Variants in RAP1GAP observed in about 807,000 individuals in gnomAD.
The protein encoded by RAP1GAP is rap1 GTPase-activating protein 1.
In RAP1GAP, 35 loss-of-function variants were observed where a neutral mutation model predicts 87.2. The ratio of observed to expected loss-of-function variants is 0.40; its 90% CI spans 0.31 to 0.53. The LOEUF (loss-of-function observed/expected upper bound fraction) is 0.53, where lower values mean the gene tolerates loss of function less well. Among genes scored for constraint, RAP1GAP ranks in the 20% least tolerant of loss-of-function variants. The pLI is 0.48. For missense variants in RAP1GAP, 734 were observed against 898.9 expected (o/e 0.82, Z 2.35); for synonymous variants, 375 against 363.9 (o/e 1.03, Z -0.35).
chr1:21,667,628 T>G (rs1055115261), intron 1 of RAP1GAP: 3 of 152,608 alleles, frequency 2.0e-5, no homozygotes, highest in African/African-American at 7.2e-5. Flanking sequence ...CAGGTCCACA[T>G]GGACCACTCC....
Position 21,601,811 on chromosome 1 carries a change from G to T in RAP1GAP, c.1539-14C>A. The T allele has an allele frequency of 6.5e-7, 1 of 1,545,594 alleles. No individual in the cohort carries two copies. The highest frequency in any genetic ancestry group is 8.8e-7 in the Non-Finnish European group (1 of 1,135,084). On this transcript the variant is annotated splice_polypyrimidine_tract_variant and intron_variant, in intron 19 of 24. Coordinates refer to ENST00000374765, the MANE Select transcript of RAP1GAP (RefSeq NM_002885.4). ...GGAGGGCTCTCCCTGCGGGGCACAC[G>T]GGGGCAGCGGGGGGATTCAGCACCA...
chr1:21,618,771 C>A (rs937250255), intron 5 of RAP1GAP, among the ~76,000 whole-genome samples: 1 of 152,044 alleles, frequency 6.6e-6, no homozygotes, highest in Non-Finnish European at 1.5e-5. Flanking sequence ...CAGTGAAGAC[C>A]GAGAGGAGGA....
chr1:21,617,937 G>A lies in RAP1GAP; in HGVS notation c.102C>T (p.His34=), dbSNP rs147496223. 3.2e-5 allele frequency: 52 copies of A among 1,613,984 alleles called. No individual in the cohort carries two copies. The highest frequency in any genetic ancestry group is 9.9e-5 in the South Asian group (9 of 91,088). The change falls in exon 6 of 25, where the codon CAC becomes CAT. Residue 34 remains histidine, a synonymous_variant. Transcript: ENST00000374765. ...EEDYIPYPSV[H]EVLGREGPFP... ...GCGCGGGGTTCTAGCTGAGTACCTC[G>A]TGCACGCTCGGGTATGGAATGTAGT... is the stretch of plus-strand genomic sequence containing the variant.
chr1:21,604,659 A>G (rs1306667602), intron 18 of RAP1GAP, among the ~76,000 whole-genome samples: 1 of 152,042 alleles, frequency 6.6e-6, no homozygotes, highest in Admixed American at 6.5e-5. Flanking sequence ...TGCTCCTCGC[A>G]TGACAGTGTG....
intron 18 of RAP1GAP, among the ~76,000 whole-genome samples, chr1:21,605,385 T>G (rs2073696414): frequency 6.6e-6 from 1 of 152,204 alleles, no homozygotes; most frequent in South Asian, 2.1e-4. Context: ...GCTCACTTCC[T>G]GACACACAGT....
At position 21,598,514 on chromosome 1, in the gene RAP1GAP, G is replaced by A. The variant is rs1453145632; in HGVS notation, c.1777-12C>T. The A allele has an allele frequency of 6.2e-7, 1 of 1,601,020 alleles. No individual in the cohort carries two copies. The highest frequency in any genetic ancestry group is 8.6e-7 in the Non-Finnish European group (1 of 1,168,430). On this transcript the variant is annotated splice_polypyrimidine_tract_variant and intron_variant, in intron 21 of 24. Transcript: ENST00000374765. ...GATGACACGCTCTCCTGGGGAGGGGGTGGAAAGAGGGAGGGAGGTTAGCCT... is the reference window on the plus strand; with the variant it reads ...GATGACACGCTCTCCTGGGGAGGGGATGGAAAGAGGGAGGGAGGTTAGCCT...
At chr1:21,655,787 C>T (rs949597932) in intron 1 of RAP1GAP, among the ~76,000 whole-genome samples, 1 of 152,220 alleles carries the variant, frequency 6.6e-6, no homozygotes, top group African/African-American at 2.4e-5. Flanking sequence ...GCTGCCTTTC[C>T]AAGTTCACCT....
At chr1:21,631,226 T>C (rs1418688445) in intron 2 of RAP1GAP, among the ~76,000 whole-genome samples, 2 of 152,212 alleles carry the variant, frequency 1.3e-5, no homozygotes, top group Non-Finnish European at 2.9e-5. Flanking sequence ...TAAAATGCTT[T>C]GCATTCCTCC....
chr1:21,605,982 G>A, intron 18 of RAP1GAP, 84 bp downstream of exon 18: 1 of 1,455,580 alleles, frequency 6.9e-7, no homozygotes, highest in Non-Finnish European at 9.3e-7. Context: ...AACAGAGAGA[G>A]TTGGAGTCAG....
At chr1:21,607,765 C>T (rs761166197) in intron 17 of RAP1GAP, among the ~76,000 whole-genome samples, 4 of 152,106 alleles carry the variant, frequency 2.6e-5, no homozygotes, top group Non-Finnish European at 4.4e-5. Flanking sequence ...CAAACTCTAC[C>T]CAAGGCAGAC....
In RAP1GAP at chr1:21,617,640, C is replaced by G. The variant is rs543064131; in HGVS notation, c.106-149G>C. On this transcript the variant is annotated intron_variant, in intron 6 of 24. Coordinates refer to ENST00000374765, the MANE Select transcript of RAP1GAP (RefSeq NM_002885.4). ...AGCCTGTGTGGGCCCCAGGGTTCTG[C>G]TCCAGCCCTTTCCCTCAGCCAGACC... The G allele has an allele frequency of 2.9e-6, 3 of 1,032,882 alleles. No homozygotes were observed. In the South Asian group the frequency reaches 5.0e-5, roughly 17 times the overall value. 64.0% of individuals were successfully genotyped at this position (1,032,882 alleles called of 1,614,324 possible).
chr1:21,646,651 A>T (rs1327865216), intron 2 of RAP1GAP, among the ~76,000 whole-genome samples: 3 of 152,160 alleles, frequency 2.0e-5, no homozygotes, highest in African/African-American at 7.2e-5. Context: ...TATTTTCAGA[A>T]CGCTCCTACC....
At chr1:21,645,891 G>A (rs953239060) in intron 2 of RAP1GAP, among the ~76,000 whole-genome samples, 3 of 152,212 alleles carry the variant, frequency 2.0e-5, no homozygotes, top group Admixed American at 6.5e-5. Context: ...GGAGCCACCT[G>A]AGGACAGGGC....
chr1:21,603,885 T>G lies in RAP1GAP; in HGVS notation c.1429-972A>C. On this transcript the variant is annotated intron_variant, in intron 18 of 24. Coordinates refer to ENST00000374765, the MANE Select transcript of RAP1GAP (RefSeq NM_002885.4). The surrounding 1 kb of genome is among the most constrained non-coding windows in gnomAD (Gnocchi z 6.0). ...GCACTGCCCCGGCGTCCGAATCTACTCGCACTTTTCCCAGGAATAAGCAAT... is the reference window on the plus strand; with the variant it reads ...GCACTGCCCCGGCGTCCGAATCTACGCGCACTTTTCCCAGGAATAAGCAAT... 1 of 1,564,090 alleles carries G rather than the reference T, an allele frequency of 6.4e-7. No individual in the cohort carries two copies. The highest frequency in any genetic ancestry group is 8.7e-7 in the Non-Finnish European group (1 of 1,152,922).
At position 21,609,550 on chromosome 1, in the gene RAP1GAP, C is replaced by A. The variant is rs2149255113; in HGVS notation, c.1071+25G>T. On this transcript the variant is annotated intron_variant, in intron 15 of 24. Coordinates refer to ENST00000374765, the MANE Select transcript of RAP1GAP (RefSeq NM_002885.4). The surrounding 1 kb of genome is among the most constrained non-coding windows in gnomAD (Gnocchi z 4.4). ...CCCCCACCCATTTGTCCTGCTCTGC[C>A]CATGACTGGGGGGGTGCCCCTCACC... 7.0e-7 allele frequency: 1 copy of A among 1,427,710 alleles called. No individual in the cohort carries two copies. 88.4% of individuals were successfully genotyped at this position (1,427,710 alleles called of 1,614,324 possible). A position where few individuals can be genotyped will look rare whatever the true frequency, so the allele number is the denominator to read the frequency against.
intron 13 of RAP1GAP, 72 bp from the exon 14 acceptor site, chr1:21,610,347 G>T: frequency 6.5e-7 from 1 of 1,539,666 alleles, no homozygotes; most frequent in Admixed American, 1.7e-5. Context: ...GCCCACGGGG[G>T]TTTAGGAGGG....
At chr1:21,611,606 G>T in intron 12 of RAP1GAP, 25 bp from the exon 13 acceptor site, 2 of 1,613,928 alleles carry the variant, frequency 1.2e-6, no homozygotes, top group South Asian at 2.2e-5. Flanking sequence ...CCCAGGCCAC[G>T]CCTCAGTCTC....
In RAP1GAP at chr1:21,603,701, C is replaced by T. The variant is rs1173222506; in HGVS notation, c.1429-788G>A. On this transcript the variant is annotated intron_variant, in intron 18 of 24. Coordinates refer to ENST00000374765, the MANE Select transcript of RAP1GAP (RefSeq NM_002885.4). This position sits in a 1 kb window ranked among gnomAD's most constrained non-coding sequence, Gnocchi z 6.0. ...CTGAGTGCCATCGGAGCTGCCGCCA[C>T]TCCATCCCGCACGCCCTGGGGCCTG... The T allele has an allele frequency of 4.0e-6, 4 of 989,496 alleles. No homozygotes were observed. In the African/African-American group the frequency reaches 4.7e-5, roughly 12 times the overall value. The allele number at this position is 989,496 out of a possible 1,614,324, so 61.3% of individuals were successfully genotyped here. A position where few individuals can be genotyped will look rare whatever the true frequency, so the allele number is the denominator to read the frequency against.
chr1:21,664,671 C>T (rs2097279358), intron 1 of RAP1GAP, among the ~76,000 whole-genome samples: 1 of 152,224 alleles, frequency 6.6e-6, no homozygotes, highest in Admixed American at 6.5e-5. Context: ...CTGGTGATAG[C>T]CATGCCAACT....
Sources: allele counts gnomAD v4.1 joint callset (sites outside exome capture counted in the v4.1 genomes callset), GRCh38; gene constraint gnomAD v4.1.1; non-coding constraint Gnocchi (gnomAD v3.1); transcripts MANE v1.5; gene names NCBI Gene and HGNC (gene_info 2026-07-23, HGNC 2026-07-21).